Variants in VPS53 observed in about 807,000 individuals in gnomAD.
The protein encoded by VPS53 is VPS53 subunit of GARP complex.
A neutral mutation model predicts 107.0 loss-of-function variants in VPS53; 70 were observed. That is an observed-to-expected ratio of 0.65 (90% confidence interval 0.54 to 0.80). VPS53 has a LOEUF of 0.80. VPS53 is among the 30% of genes least tolerant of loss of function. The pLI, the probability that VPS53 is intolerant of heterozygous loss-of-function variation, is 0.00. For synonymous variants in VPS53, 409 were observed against 393.3 expected (o/e 1.04, Z -0.47); for missense variants, 917 against 1,049.4 (o/e 0.87, Z 1.74).
rs150676951 is a variant in VPS53, at chr17:657,944, A to G, written c.373-1991T>C. The stretch of plus-strand genomic sequence containing the variant: ...AGTTCTTGGATAGATACATCGCACT[A>G]AAGTGAGAAACTCGGCAGGGAGTTC... On this transcript the variant is annotated intron_variant, in intron 5 of 21. Transcript: ENST00000437048. Among the ~76,000 whole-genome samples, 339 of 144,538 alleles carry G rather than the reference A, an allele frequency of 2.3e-3. 1 individual carries two copies. The highest frequency in any genetic ancestry group is 8.1e-3 in the African/African-American group (316 of 39,040). 94.8% of individuals were successfully genotyped at this position (144,538 alleles called of 152,430 possible).
chr17:544,774 A>C (rs1911052541), intron 17 of VPS53, among the ~76,000 whole-genome samples: 1 of 152,200 alleles, frequency 6.6e-6, no homozygotes, highest in South Asian at 2.1e-4. Flanking sequence ...CATACAGGTT[A>C]TCTAAGAAAA....
intron 12 of VPS53, among the ~76,000 whole-genome samples, chr17:589,855 T>C (rs1452662576): frequency 1.3e-5 from 2 of 152,266 alleles, no homozygotes; most frequent in African/African-American, 4.8e-5. Flanking sequence ...GACTTGGCGA[T>C]GTGGGCTCTT....
At chr17:599,311 T>G (rs1313083969) in intron 12 of VPS53, among the ~76,000 whole-genome samples, 13 of 152,082 alleles carry the variant, frequency 8.5e-5, no homozygotes, top group South Asian at 2.1e-4. Context: ...GAATAGAAAG[T>G]GGGGAAAGGT....
In VPS53 at chr17:519,742, C is replaced by A; in HGVS notation, c.2328+84G>T. Reference sequence around the variant, plus strand: ...CACATGCATTTTGAGAAAGCCCCCCCGGAACTTATATCCCAATTCCCGGTT... The same window carrying A: ...CACATGCATTTTGAGAAAGCCCCCCAGGAACTTATATCCCAATTCCCGGTT... On this transcript the variant is annotated intron_variant, in intron 21 of 21. Coordinates refer to ENST00000437048, the MANE Select transcript of VPS53 (RefSeq NM_001128159.3). The surrounding 1 kb of genome is among the most constrained non-coding windows in gnomAD (Gnocchi z 5.0). The A allele has an allele frequency of 9.6e-7, 1 of 1,041,836 alleles. No homozygotes were observed. The highest frequency in any genetic ancestry group is 2.6e-5 in the East Asian group (1 of 38,416). 64.5% of individuals were successfully genotyped at this position (1,041,836 alleles called of 1,614,324 possible).
intron 10 of VPS53, 47 bp downstream of exon 10, chr17:627,127 G>A (rs748531365): frequency 3.0e-5 from 47 of 1,582,362 alleles, no homozygotes; most frequent in Non-Finnish European, 3.2e-5. Flanking sequence ...GGGAACCGAT[G>A]GTGAAAATTT....
At chr17:550,187 T>C (rs1299866857) in intron 17 of VPS53, among the ~76,000 whole-genome samples, 1 of 152,218 alleles carries the variant, frequency 6.6e-6, no homozygotes, top group Non-Finnish European at 1.5e-5. Flanking sequence ...TGATGTCACG[T>C]TGGCCCAGAC....
chr17:617,548 T>A (rs1012060155), intron 11 of VPS53, among the ~76,000 whole-genome samples: 1 of 152,190 alleles, frequency 6.6e-6, no homozygotes, highest in Admixed American at 6.5e-5. Flanking sequence ...ACTACAGGCG[T>A]GCGCCACCAC....
chr17:657,007 A>G, intron 5 of VPS53: 1 of 872,312 alleles, frequency 1.1e-6, no homozygotes, highest in Non-Finnish European at 2.0e-6. Flanking sequence ...TGGGGATCAC[A>G]CCAACTCTTC....
In VPS53 at chr17:519,897, A is replaced by T. The variant is rs1371713023; in HGVS notation, c.2257T>A (p.Phe753Ile). 6.4e-7 allele frequency: 1 copy of T among 1,551,624 alleles called. No homozygotes were observed. The highest frequency in any genetic ancestry group is 2.0e-5 in the Admixed American group (1 of 51,000). ...AGAAGTTTGATGTAGTTGTCAACAA[A>T]CACCACCAACGGTTCATGAGGGGCC... is the stretch of plus-strand genomic sequence containing the variant. The part of the protein sequence containing the change: ...VMAPHEPLVV[F>I]VDNYIKLLTD... Residue 753 changes from phenylalanine to isoleucine, a missense_variant, in exon 21 of 22, where the codon TTT becomes ATT. Transcript: ENST00000437048. The surrounding 1 kb of genome is among the most constrained non-coding windows in gnomAD (Gnocchi z 5.0).
chr17:702,759 A>C (rs375972144), intron 2 of VPS53, among the ~76,000 whole-genome samples: 5 of 152,232 alleles, frequency 3.3e-5, no homozygotes, highest in African/African-American at 1.2e-4. Flanking sequence ...CTTCATTTCC[A>C]GGCTTTCTGC....
chr17:548,581 A>T (rs60543995), intron 17 of VPS53, among the ~76,000 whole-genome samples: 3,888 of 28,686 alleles, frequency 0.14, 441 homozygotes, highest in African/African-American at 0.3. Context: ...CCTTCTGGAA[A>T]TATCCAACGA....
At chr17:713,746 T>C (rs1374717940) in intron 1 of VPS53, among the ~76,000 whole-genome samples, 1 of 150,650 alleles carries the variant, frequency 6.6e-6, no homozygotes, top group Non-Finnish European at 1.5e-5. Context: ...AGGCAAGAGT[T>C]CCTGCAGGCA....
chr17:679,773 T>C (rs186742519), intron 4 of VPS53, among the ~76,000 whole-genome samples: 11 of 152,336 alleles, frequency 7.2e-5, no homozygotes, highest in Admixed American at 3.9e-4. Context: ...ATATTATCTA[T>C]AGTCTGACTC....
At chr17:682,185 T>A (rs942671076) in intron 4 of VPS53, among the ~76,000 whole-genome samples, 1 of 152,132 alleles carries the variant, frequency 6.6e-6, no homozygotes, top group African/African-American at 2.4e-5. Context: ...TAAACTACAC[T>A]AAAACTCAAA....
intron 4 of VPS53, among the ~76,000 whole-genome samples, chr17:671,239 A>ACAAAG (rs1555578186): frequency 6.7e-6 from 1 of 150,222 alleles, no homozygotes; most frequent in Non-Finnish European, 1.5e-5. Context: ...AGAAAAGAAA[A>ACAAAG]GAAAGAAGAA....
At chr17:628,415 A>G (rs954359867) in intron 8 of VPS53, among the ~76,000 whole-genome samples, 184 bp from the exon 9 acceptor site, 1 of 152,088 alleles carries the variant, frequency 6.6e-6, no homozygotes, top group Admixed American at 6.6e-5. Flanking sequence ...GAATCCTTAC[A>G]CTCGTTTTAC....
chr17:669,178 A>T (rs1178925231), intron 4 of VPS53, among the ~76,000 whole-genome samples: 1 of 152,224 alleles, frequency 6.6e-6, no homozygotes, highest in East Asian at 1.9e-4. Flanking sequence ...TGGAAGAATC[A>T]TGGGTCCTAC....
intron 19 of VPS53, among the ~76,000 whole-genome samples, chr17:529,620 T>C (rs1909380236): frequency 6.6e-6 from 1 of 152,228 alleles, no homozygotes; most frequent in Admixed American, 6.5e-5. Flanking sequence ...TCAATGAACA[T>C]GAGCTATCCT....
intron 13 of VPS53, among the ~76,000 whole-genome samples, chr17:585,561 G>T (rs758714448): frequency 6.6e-6 from 1 of 152,124 alleles, no homozygotes; most frequent in Non-Finnish European, 1.5e-5. Flanking sequence ...AGGATTGCTT[G>T]AGCCCAGGAG....
Sources: allele counts gnomAD v4.1 joint callset (sites outside exome capture counted in the v4.1 genomes callset), GRCh38; gene constraint gnomAD v4.1.1; non-coding constraint Gnocchi (gnomAD v3.1); transcripts MANE v1.5; gene names NCBI Gene and HGNC (gene_info 2026-07-23, HGNC 2026-07-21).